Variants in CAMK4 observed in about 807,000 individuals in gnomAD.
The protein encoded by CAMK4 is calcium/calmodulin dependent protein kinase IV.
A neutral mutation model predicts 44.9 loss-of-function variants in CAMK4; 22 were observed. That is an observed-to-expected ratio of 0.49 (90% CI 0.35 to 0.70). The LOEUF is 0.70. Among genes scored for constraint, CAMK4 ranks in the 30% least tolerant of loss-of-function variants. The probability of loss-of-function intolerance (pLI) is 0.01; values close to 1 mark genes in which losing one functional copy is unlikely to be tolerated. For missense variants in CAMK4, 498 were observed against 586.8 expected, an observed-to-expected ratio of 0.85 and a Z score of 1.56; for synonymous variants, 218 against 215.4, an observed-to-expected ratio of 1.01 and a Z score of -0.11.
chr5:111,400,724 T>C (rs996939010), intron 5 of CAMK4, among the ~76,000 whole-genome samples: 17 of 152,338 alleles, frequency 1.1e-4, no homozygotes, highest in Admixed American at 3.9e-4. Flanking sequence ...CAGTCAGTCC[T>C]CGAGAGCAGA....
intron 4 of CAMK4, among the ~76,000 whole-genome samples, chr5:111,387,135 C>T (rs1413097956): frequency 6.6e-6 from 1 of 152,170 alleles, no homozygotes. Context: ...AAGAGAAATA[C>T]AGCAATAACT....
chr5:111,452,317 A>G (rs983060624), intron 7 of CAMK4, among the ~76,000 whole-genome samples: 3 of 152,232 alleles, frequency 2.0e-5, no homozygotes, highest in African/African-American at 4.8e-5. Context: ...TAAAGAATCT[A>G]TACATCAGGC....
chr5:111,345,181 G>T (rs915451429), intron 2 of CAMK4, among the ~76,000 whole-genome samples: 2 of 151,814 alleles, frequency 1.3e-5, no homozygotes, highest in Non-Finnish European at 2.9e-5. Flanking sequence ...CAGCTAAATA[G>T]AAATAGAATG....
chr5:111,357,487 T>G (rs1750413637), intron 2 of CAMK4, among the ~76,000 whole-genome samples: 1 of 152,094 alleles, frequency 6.6e-6, no homozygotes. Context: ...TTAATAAATT[T>G]TAATTTGTAT....
chr5:111,314,402 A>G (rs576890937), intron 1 of CAMK4, among the ~76,000 whole-genome samples: 37 of 152,196 alleles, frequency 2.4e-4, no homozygotes, highest in African/African-American at 7.5e-4. Flanking sequence ...AGTAAAGCAC[A>G]TATTACAACA....
chr5:111,297,887 A>G (rs1747559878), intron 1 of CAMK4, among the ~76,000 whole-genome samples: 3 of 152,242 alleles, frequency 2.0e-5, no homozygotes, highest in Admixed American at 1.3e-4. Context: ...TCATTTAAAA[A>G]ATACTGTATT....
At chr5:111,293,401 T>C (rs993033341) in intron 1 of CAMK4, among the ~76,000 whole-genome samples, 3 of 152,168 alleles carry the variant, frequency 2.0e-5, no homozygotes, top group Non-Finnish European at 4.4e-5. Flanking sequence ...TTATTGAAAC[T>C]TTATATTCGA....
intron 5 of CAMK4, among the ~76,000 whole-genome samples, chr5:111,445,171 A>G (rs980155980): frequency 1.3e-5 from 2 of 152,210 alleles, no homozygotes; most frequent in African/African-American, 4.8e-5. Flanking sequence ...ATTACTTGTA[A>G]CTTTTTAAAA....
chr5:111,438,292 A>G lies in CAMK4; in HGVS notation c.460-8394A>G, dbSNP rs574146408. The stretch of plus-strand genomic sequence containing the variant: ...CTTAAGAAACAACATTGAATTGGAA[A>G]TCCTTTTAAGATACTGTCATGGAAT... On this transcript the variant is annotated intron_variant, in intron 5 of 10. Transcript: ENST00000282356. Among the ~76,000 whole-genome samples the G allele has an allele frequency of 2.0e-5, 3 of 152,304 alleles. No homozygotes were observed. In the East Asian group the frequency reaches 5.8e-4, roughly 29 times the overall value.
chr5:111,332,253 C>CG lies in CAMK4; in HGVS notation c.162-11769dup, dbSNP rs1554061785. Among the ~76,000 whole-genome samples the CG allele has an allele frequency of 3.1e-5, 4 of 127,028 alleles. No individual in the cohort carries two copies. In the East Asian group the frequency reaches 1.1e-3, roughly 34 times the overall value. The allele number at this position is 127,028 out of a possible 152,430, so 83.3% of individuals were successfully genotyped here. The stretch of plus-strand genomic sequence containing the variant: ...CCCTCCCCCCACCCCACAACAGTCC[C>CG]GGAGTGTGATGTTCCCCTTCCTGTG... On this transcript the variant is annotated intron_variant, in intron 1 of 10. Coordinates refer to ENST00000282356, the MANE Select transcript of CAMK4 (RefSeq NM_001744.6).
At chr5:111,303,761 C>A (rs1263952347) in intron 1 of CAMK4, among the ~76,000 whole-genome samples, 3 of 148,152 alleles carry the variant, frequency 2.0e-5, no homozygotes, top group Non-Finnish European at 2.9e-5. Flanking sequence ...AGAGATACTC[C>A]TCGAGAAGAG....
At chr5:111,376,797 G>C in intron 3 of CAMK4, 63 bp from the exon 4 acceptor site, 1 of 970,862 alleles carries the variant, frequency 1.0e-6, no homozygotes, top group South Asian at 1.4e-5. Context: ...CATAGTATTA[G>C]CTATTTCCAA....
intron 7 of CAMK4, among the ~76,000 whole-genome samples, chr5:111,454,696 A>G (rs577068527): frequency 6.6e-6 from 1 of 152,032 alleles, no homozygotes; most frequent in Admixed American, 6.6e-5. Flanking sequence ...CTCCTAATAA[A>G]TGTGCTACAA....
chr5:111,378,037 A>G (rs1418121843), intron 4 of CAMK4, among the ~76,000 whole-genome samples: 1 of 152,114 alleles, frequency 6.6e-6, no homozygotes, highest in Non-Finnish European at 1.5e-5. Flanking sequence ...GTGTGCCCCC[A>G]AAATTCATTT....
chr5:111,368,233 G>T (rs1489851464), intron 2 of CAMK4, among the ~76,000 whole-genome samples: 1 of 152,102 alleles, frequency 6.6e-6, no homozygotes, highest in Non-Finnish European at 1.5e-5. Context: ...TGCTTCTCAA[G>T]ATGTTAATTA....
At chr5:111,232,430 A>T (rs1748521384) in intron 1 of CAMK4, among the ~76,000 whole-genome samples, 1 of 152,164 alleles carries the variant, frequency 6.6e-6, no homozygotes, top group Non-Finnish European at 1.5e-5. Context: ...CATGTCAGGC[A>T]GATGGTACAT....
rs1331605009 is a variant in CAMK4, at chr5:111,359,517, C to G, written c.241-15333C>G. Among the ~76,000 whole-genome samples, 2 of 3,474 alleles carry G rather than the reference C, an allele frequency of 5.8e-4. 1 individual carries two copies. Among genetic ancestry groups the G allele is most frequent in the African/African-American group, 9.4e-4 (2 of 2,120 alleles). 2.3% of individuals were successfully genotyped at this position (3,474 alleles called of 152,430 possible). ...AATTTTCTTCCATTCTATAGGTTGT[C>G]TGTTTACTCTGTTGAGAGTTTCTTT... On this transcript the variant is annotated intron_variant, in intron 2 of 10. Transcript: ENST00000282356.
chr5:111,424,648 C>A (rs1213495331), intron 5 of CAMK4, among the ~76,000 whole-genome samples: 1 of 151,548 alleles, frequency 6.6e-6, no homozygotes, highest in African/African-American at 2.4e-5. Flanking sequence ...GGGGTTTCAC[C>A]ATGTTAGCCA....
chr5:111,475,841 T>G lies in CAMK4; in HGVS notation c.701+2455T>G, dbSNP rs188199027. Among the ~76,000 whole-genome samples, 7 of 152,326 alleles carry G rather than the reference T, an allele frequency of 4.6e-5. No homozygotes were observed. In the East Asian group the frequency reaches 1.4e-3, roughly 29 times the overall value. On this transcript the variant is annotated intron_variant, in intron 8 of 10. Transcript: ENST00000282356. ...CTGTATCTTCTTTATTAGATTGGTT[T>G]AATGTACATTTAGTGGCCTGCTGGG...
Sources: gnomAD v4.1 joint callset for allele counts (sites outside exome capture counted in the v4.1 genomes callset) on GRCh38, gnomAD v4.1.1 for gene constraint, MANE v1.5 for transcripts, NCBI Gene and HGNC (gene_info 2026-07-23, HGNC 2026-07-21) for gene names.